The following ATP2C1 variants were observed in gnomAD, a reference collection of about 807,000 sequenced individuals.
The protein encoded by ATP2C1 is calcium-transporting ATPase type 2C member 1.
In ATP2C1, 31 loss-of-function variants were observed where a neutral mutation model predicts 120.5. The observed-to-expected ratio is 0.26, with a 90% CI of 0.19 to 0.35. The LOEUF is 0.35. Ranked by LOEUF, ATP2C1 falls within the 10% of genes least tolerant of loss-of-function variation. The pLI is 1.00. For synonymous variants in ATP2C1, 351 were observed against 358.7 expected (o/e 0.98, Z 0.24); for missense variants, 731 against 1,107.5 (o/e 0.66, Z 4.83).
chr3:130,968,921 T>G (rs960636140), intron 16 of ATP2C1, among the ~76,000 whole-genome samples: 2 of 152,018 alleles, frequency 1.3e-5, no homozygotes, highest in Non-Finnish European at 2.9e-5. Context: ...AAGTGAGAGA[T>G]TTAATCTAAA....
At chr3:130,913,977 T>A (rs1474524451) in intron 2 of ATP2C1, among the ~76,000 whole-genome samples, 1 of 152,140 alleles carries the variant, frequency 6.6e-6, no homozygotes, top group Non-Finnish European at 1.5e-5. Context: ...TTTCCGAGGA[T>A]TAAGTGAAGT....
chr3:130,909,267 C>G (rs2058280996), intron 2 of ATP2C1, among the ~76,000 whole-genome samples: 1 of 152,140 alleles, frequency 6.6e-6, no homozygotes, highest in Non-Finnish European at 1.5e-5. Flanking sequence ...GACCAATTTC[C>G]CACCCCATAT....
chr3:130,993,271 A>G (rs978620268), intron 21 of ATP2C1, among the ~76,000 whole-genome samples: 2 of 152,354 alleles, frequency 1.3e-5, no homozygotes, highest in African/African-American at 4.8e-5. Flanking sequence ...ACTGGGGTCC[A>G]TAGCCGAGTC....
At chr3:130,895,270 A>C (rs1037843117) in intron 2 of ATP2C1, among the ~76,000 whole-genome samples, 3 of 152,174 alleles carry the variant, frequency 2.0e-5, no homozygotes, top group African/African-American at 4.8e-5. Context: ...CACAAAAAAA[A>C]CCCAGTGAAT....
chr3:130,971,527 A>G (rs1328045861), intron 17 of ATP2C1, among the ~76,000 whole-genome samples: 1 of 152,158 alleles, frequency 6.6e-6, no homozygotes, highest in Non-Finnish European at 1.5e-5. Context: ...AAGGACTTTC[A>G]CTTGAACATG....
intron 20 of ATP2C1, among the ~76,000 whole-genome samples, chr3:130,992,093 G>A (rs564913603): frequency 2.0e-5 from 3 of 152,172 alleles, no homozygotes; most frequent in East Asian, 1.9e-4. Context: ...TGTGAACTCC[G>A]GAGCAGTGAA....
chr3:131,001,156 G>T, intron 27 of ATP2C1, 64 bp from the exon 28 acceptor site: 1 of 1,090,420 alleles, frequency 9.2e-7, no homozygotes, highest in Non-Finnish European at 1.3e-6. Context: ...AAAAATGTAA[G>T]CTATTAAGCT....
intron 6 of ATP2C1, 106 bp downstream of exon 6, chr3:130,937,569 G>A: frequency 1.1e-6 from 1 of 896,836 alleles, no homozygotes; most frequent in Non-Finnish European, 1.9e-6. Context: ...ATGCCCATCA[G>A]AACAACTTAT....
At chr3:130,937,565 A>C in intron 6 of ATP2C1, 102 bp downstream of exon 6, 1 of 919,228 alleles carries the variant, frequency 1.1e-6, no homozygotes, top group Non-Finnish European at 1.8e-6. Flanking sequence ...TGTAATGCCC[A>C]TCAGAACAAC....
At chr3:130,981,227 G>A (rs2061748865) in intron 20 of ATP2C1, among the ~76,000 whole-genome samples, 1 of 152,058 alleles carries the variant, frequency 6.6e-6, no homozygotes, top group Non-Finnish European at 1.5e-5. Context: ...GGACTTGGCA[G>A]CCACTAATTC....
chr3:130,902,298 T>G (rs1393049662), intron 2 of ATP2C1, among the ~76,000 whole-genome samples: 1 of 13,958 alleles, frequency 7.2e-5, no homozygotes. Context: ...TTTTTTTTTG[T>G]TTTTTTTTTT....
At chr3:130,902,284 GTTTTTTTTTTTTGTTTTTTTTTTTTTT>G in intron 2 of ATP2C1, among the ~76,000 whole-genome samples, 2 of 65,506 alleles carry the variant, frequency 3.1e-5, no homozygotes, top group Admixed American at 3.6e-4. Flanking sequence ...AAGGCTTCAC[GTTTTTTTTTTTTGTTTTTTTTTTTTTT>G]TTTTTTTTTT....
intron 1 of ATP2C1, among the ~76,000 whole-genome samples, chr3:130,878,001 A>G (rs1559877692): frequency 6.6e-6 from 1 of 152,044 alleles, no homozygotes; most frequent in African/African-American, 2.4e-5. Flanking sequence ...ACATGGATGA[A>G]GCTGGACACC....
rs188303973 is a variant in ATP2C1, at chr3:130,959,998, T to G, written c.899+657T>G. Among the ~76,000 whole-genome samples, 5 of 152,192 alleles carry G rather than the reference T, an allele frequency of 3.3e-5. No homozygotes were observed. In the East Asian group the frequency reaches 9.6e-4, roughly 29 times the overall value. On this transcript the variant is annotated intron_variant, in intron 12 of 27. Transcript: ENST00000510168. ...AATTACATAAGATATGACACACAAGTATTTTCTCAAGCTAAGGCAAAAAGT... is the reference window on the plus strand; with the variant it reads ...AATTACATAAGATATGACACACAAGGATTTTCTCAAGCTAAGGCAAAAAGT...
chr3:130,939,981 G>A (rs2059826096), intron 6 of ATP2C1, among the ~76,000 whole-genome samples: 1 of 152,210 alleles, frequency 6.6e-6, no homozygotes, highest in Non-Finnish European at 1.5e-5. Flanking sequence ...TCATGGAAAT[G>A]TGGACTAAGT....
At position 130,980,022 on chromosome 3, in the gene ATP2C1, C is replaced by CT. The variant is rs2061687378; in HGVS notation, c.1742-559dup. The stretch of plus-strand genomic sequence containing the variant: ...CCAGGAGTTTCAAACTATATATTGT[C>CT]TAAGAACAGGTCACTAGGAACATTA... On this transcript the variant is annotated intron_variant, in intron 19 of 27. Transcript: ENST00000510168. Among the ~76,000 whole-genome samples the CT allele has an allele frequency of 2.0e-5, 3 of 152,084 alleles. No homozygotes were observed. In the South Asian group the frequency reaches 6.2e-4, roughly 32 times the overall value.
At chr3:130,961,956 A>C (rs1198365383) in intron 12 of ATP2C1, among the ~76,000 whole-genome samples, 1 of 152,052 alleles carries the variant, frequency 6.6e-6, no homozygotes, top group African/African-American at 2.4e-5. Context: ...AATTTTGATG[A>C]GTGAGCAATC....
Position 131,016,082 on chromosome 3 carries a change from T to G in ATP2C1, c.2630-70T>G, listed in dbSNP as rs556275855. ...GTAACTTTGTTGCTTTAAATATAAGTGAAAATACTGTATTTACTTTTGTGT... is the reference window on the plus strand; with the variant it reads ...GTAACTTTGTTGCTTTAAATATAAGGGAAAATACTGTATTTACTTTTGTGT... On this transcript the variant is annotated intron_variant, in intron 26 of 26. Transcript: ENST00000328560. The G allele has an allele frequency of 1.4e-5, 22 of 1,565,664 alleles. No homozygotes were observed. The African/African-American group carries it at 1.9e-4, about 13-fold the overall frequency.
At chr3:130,998,425 G>A in intron 26 of ATP2C1, 36 bp downstream of exon 26, 1 of 1,450,054 alleles carries the variant, frequency 6.9e-7, no homozygotes, top group Non-Finnish European at 9.7e-7. Flanking sequence ...TGACTTGATT[G>A]ACTCACTTGA....
Sources: gnomAD v4.1 joint callset for allele counts (sites outside exome capture counted in the v4.1 genomes callset) on GRCh38, gnomAD v4.1.1 for gene constraint, MANE v1.5 for transcripts, NCBI Gene and HGNC (gene_info 2026-07-23, HGNC 2026-07-21) for gene names.